MYH11: variants seen among roughly 807,000 people sequenced by gnomAD.
MYH11 encodes myosin heavy chain 11.
Under a neutral mutation model 246.6 loss-of-function variants are expected in MYH11, and 80 were observed. The observed-to-expected ratio is 0.32, with a 90% CI of 0.27 to 0.39. The LOEUF (loss-of-function observed/expected upper bound fraction) is 0.39, where lower values mean the gene tolerates loss of function less well. Among genes scored for constraint, MYH11 ranks in the 10% least tolerant of loss-of-function variants. The pLI is 1.00. For missense variants in MYH11, 2,158 were observed against 2,546.8 expected (o/e 0.85, Z 3.29); for synonymous variants, 1,071 against 1,015.5 (o/e 1.05, Z -1.04).
At chr16:15,719,910 C>G (rs1046236374) in intron 34 of MYH11, among the ~76,000 whole-genome samples, 197 bp from the exon 35 acceptor site, 1 of 152,176 alleles carries the variant, frequency 6.6e-6, no homozygotes. Flanking sequence ...CTCCACAGAC[C>G]TGCCTGAGAA....
At chr16:15,800,356 A>G (rs888024134) in intron 3 of MYH11, among the ~76,000 whole-genome samples, 2 of 145,800 alleles carry the variant, frequency 1.4e-5, no homozygotes, top group African/African-American at 5.0e-5. Context: ...AGGAAGACAA[A>G]TGGATGAGTG....
intron 8 of MYH11, among the ~76,000 whole-genome samples, chr16:15,775,609 C>T (rs12922040): frequency 0.4 from 61,274 of 152,120 alleles, 12,644 homozygotes; most frequent in East Asian, 0.55. Flanking sequence ...CAGAAAAAGT[C>T]TTGACCCCTG....
rs1485604976 is a variant in MYH11 at position 15,703,260 on chromosome 16, C to T, written c.*731G>A. On this transcript the variant is annotated 3_prime_UTR_variant, in exon 41 of 41. Coordinates refer to ENST00000300036, the MANE Select transcript of MYH11 (RefSeq NM_002474.3). ...TTTCAATTCATGTGACTACAGAAGG[C>T]ACTTGGTGAACTGTGCGTGTCTGAG... The T allele has an allele frequency of 4.6e-6, 1 of 219,054 alleles. No homozygotes were observed. The highest frequency in any genetic ancestry group is 2.2e-5 in the African/African-American group (1 of 44,512). The allele number at this position is 219,054 out of a possible 1,614,324, so 13.6% of individuals were successfully genotyped here.
At chr16:15,736,756 G>A (rs1395935194) in intron 25 of MYH11, among the ~76,000 whole-genome samples, 5 of 152,146 alleles carry the variant, frequency 3.3e-5, no homozygotes, top group African/African-American at 1.2e-4. Flanking sequence ...CTCCTGTTGC[G>A]TTACCCCTAG....
At chr16:15,770,880 A>G (rs780101071) in intron 9 of MYH11, among the ~76,000 whole-genome samples, 1 of 152,206 alleles carries the variant, frequency 6.6e-6, no homozygotes, top group Non-Finnish European at 1.5e-5. Context: ...GTTGCTGTCA[A>G]CAAACTGCAT....
At chr16:15,776,350 G>T (rs910749257) in intron 7 of MYH11, among the ~76,000 whole-genome samples, 174 bp from the exon 8 acceptor site, 3 of 152,038 alleles carry the variant, frequency 2.0e-5, no homozygotes, top group African/African-American at 7.2e-5. Context: ...GCTGGGTGCT[G>T]CCAGCAGACT....
chr16:15,714,356 C>A (rs2039992901), intron 40 of MYH11: 1 of 167,578 alleles, frequency 6.0e-6, no homozygotes, highest in Admixed American at 5.6e-5. Context: ...TGTCACATTG[C>A]AGGGTGGTGG....
At chr16:15,710,622 C>G (rs2039727438) in intron 40 of MYH11, among the ~76,000 whole-genome samples, 1 of 151,820 alleles carries the variant, frequency 6.6e-6, no homozygotes, top group Non-Finnish European at 1.5e-5. Context: ...ATCGCTCAGC[C>G]CAGCCACTCA....
At chr16:15,716,695 G>A (rs1249511599) in intron 38 of MYH11, among the ~76,000 whole-genome samples, 2 of 152,008 alleles carry the variant, frequency 1.3e-5, no homozygotes, top group Non-Finnish European at 2.9e-5. Flanking sequence ...CTAATTTTTG[G>A]TACAGACAGG....
chr16:15,718,182 G>A (rs1022923149), intron 37 of MYH11, 133 bp downstream of exon 37: 2 of 1,438,208 alleles, frequency 1.4e-6, no homozygotes, highest in South Asian at 1.2e-5. Context: ...TCTACTCTCA[G>A]GCCCCACCAC....
In MYH11 at chr16:15,741,640, T is replaced by C; in HGVS notation, c.2682A>G (p.Glu894=). 1 of 1,613,586 alleles carries C rather than the reference T, an allele frequency of 6.2e-7. No individual in the cohort carries two copies. The highest frequency in any genetic ancestry group is 8.5e-7 in the Non-Finnish European group (1 of 1,180,024). Residue 894 remains glutamate, a synonymous_variant, in exon 22 of 41, where the codon GAA becomes GAG. Coordinates refer to ENST00000300036, the MANE Select transcript of MYH11 (RefSeq NM_002474.3). ...QLTEEKNLLQ[E]QLQAETELYA... is the part of the protein sequence containing the mutation. ...ACAGCTCTGTCTCTGCCTGCAGCTG[T>C]TCCTGTAGCAGGTTCTTCTCCTCGG...
intron 8 of MYH11, among the ~76,000 whole-genome samples, chr16:15,772,934 T>C (rs2042138388): frequency 6.6e-6 from 1 of 152,128 alleles, no homozygotes; most frequent in African/African-American, 2.4e-5. Context: ...CACCCCCCGA[T>C]GGGACTGCAG....
chr16:15,749,437 C>T, intron 16 of MYH11: 1 of 152,868 alleles, frequency 6.5e-6, no homozygotes, highest in Non-Finnish European at 1.5e-5. Flanking sequence ...TCCATGTCAC[C>T]AAGTTGATGG....
intron 10 of MYH11, 63 bp downstream of exon 10, chr16:15,763,733 A>C: frequency 6.6e-6 from 6 of 908,414 alleles, no homozygotes; most frequent in Non-Finnish European, 7.4e-6. Flanking sequence ...CAGTGGTTAA[A>C]TGTCACCTCC....
chr16:15,724,284 A>T lies in MYH11; in HGVS notation c.4242T>A (p.Ala1414=), dbSNP rs2075511. The change falls in exon 31 of 41, where the codon GCT becomes GCA. Residue 1414 remains alanine, a synonymous_variant. Transcript: ENST00000300036. ...LTQQYEEKAA[A]YDKLEKTKNR... is the part of the protein sequence containing the mutation. ...TCTTGGTCTTTTCCAGTTTATCATA[A>T]GCGGCCGCCTTCTCCTCGTACTGCT... 1.5e-5 allele frequency: 25 copies of T among 1,613,804 alleles called. No individual in the cohort carries two copies. The highest frequency in any genetic ancestry group is 1.9e-5 in the Non-Finnish European group (22 of 1,179,978).
intron 9 of MYH11, 122 bp from the exon 10 acceptor site, chr16:15,764,013 G>T (rs1567740196): frequency 3.9e-6 from 3 of 770,898 alleles, no homozygotes. Flanking sequence ...GAAGAAACTA[G>T]ATTCTGAGCT....
rs11273419 is a variant in MYH11, at chr16:15,788,095, T to TTTTTTTTTTTTTTTTTTA, written c.531-1364_531-1363insTAAAAAAAAAAAAAAAAA. ...GGTAGATCTTTTTTTTTTTTTTTTT[T>TTTTTTTTTTTTTTTTTTA]ACCAAGATGGCTTTCGTGCACTAGC... is the stretch of plus-strand genomic sequence containing the variant. On this transcript the variant is annotated intron_variant, in intron 4 of 40. Coordinates refer to ENST00000300036, the MANE Select transcript of MYH11 (RefSeq NM_002474.3). Among the ~76,000 whole-genome samples the TTTTTTTTTTTTTTTTTTA allele has an allele frequency of 9.0e-4, 90 of 99,508 alleles. 15 individuals carry two copies. The highest frequency in any genetic ancestry group is 2.1e-3 in the South Asian group (5 of 2,352). The allele number at this position is 99,508 out of a possible 152,430, so 65.3% of individuals were successfully genotyped here. A position where few individuals can be genotyped will look rare whatever the true frequency, so the allele number is the denominator to read the frequency against.
At chr16:15,726,455 C>G (rs563755077) in intron 28 of MYH11, 1 of 325,976 alleles carries the variant, frequency 3.1e-6, no homozygotes, top group East Asian at 7.5e-5. Flanking sequence ...ACTGCAACCT[C>G]TGCCTCCTGG....
chr16:15,767,937 A>T (rs866041151), intron 9 of MYH11, among the ~76,000 whole-genome samples: 17 of 135,026 alleles, frequency 1.3e-4, no homozygotes, highest in East Asian at 2.3e-4. Context: ...AAAAAAAAAA[A>T]TTTTTTTTTT....
Sources: allele counts gnomAD v4.1 joint callset (sites outside exome capture counted in the v4.1 genomes callset), GRCh38; gene constraint gnomAD v4.1.1; transcripts MANE v1.5; gene names NCBI Gene and HGNC (gene_info 2026-07-23, HGNC 2026-07-21).